RIN3: variants seen among roughly 807,000 people sequenced by gnomAD.
RIN3 encodes RAB5 interacting protein 3.
A neutral mutation model predicts 76.3 loss-of-function variants in RIN3; 54 were observed. The observed-to-expected ratio is 0.71, with a 90% CI of 0.57 to 0.89. The LOEUF (loss-of-function observed/expected upper bound fraction) is 0.89. Ranked by LOEUF, RIN3 falls within the 40% of genes least tolerant of loss-of-function variation. RIN3 has a pLI of 0.00. For synonymous variants in RIN3, 576 were observed against 564.0 expected (o/e 1.02, Z -0.30); for missense variants, 1,256 against 1,322.1 (o/e 0.95, Z 0.78).
chr14:92,514,829 G>C lies in RIN3; in HGVS notation c.44+853G>C, dbSNP rs1210692428. Reference sequence around the variant, plus strand: ...GAGAAGCTTCAGGTGTTGTAGAGACGCCCGGTCGGAGGCGGATTCCCGGGG... The same window carrying C: ...GAGAAGCTTCAGGTGTTGTAGAGACCCCCGGTCGGAGGCGGATTCCCGGGG... On this transcript the variant is annotated intron_variant, in intron 1 of 9. Coordinates refer to ENST00000216487, the MANE Select transcript of RIN3 (RefSeq NM_024832.5). This position sits in a 1 kb window ranked among gnomAD's most constrained non-coding sequence, Gnocchi z 7.2. 6.6e-6 allele frequency among the ~76,000 whole-genome samples: 1 copy of C among 152,236 alleles called. No homozygotes were observed. The highest frequency in any genetic ancestry group is 2.4e-5 in the African/African-American group (1 of 41,456).
At chr14:92,563,100 C>G (rs1897819529) in intron 2 of RIN3, among the ~76,000 whole-genome samples, 1 of 152,156 alleles carries the variant, frequency 6.6e-6, no homozygotes, top group Non-Finnish European at 1.5e-5. Flanking sequence ...TGACTCCTGC[C>G]TGGAATCCCA....
chr14:92,665,627 C>CGCCTCG (rs1888066079), intron 7 of RIN3, among the ~76,000 whole-genome samples: 1 of 151,978 alleles, frequency 6.6e-6, no homozygotes, highest in Non-Finnish European at 1.5e-5. Context: ...ATGATCCACC[C>CGCCTCG]ACCTCGGCCT....
intron 3 of RIN3, among the ~76,000 whole-genome samples, chr14:92,587,475 A>G (rs1312462445): frequency 6.6e-6 from 1 of 152,242 alleles, no homozygotes; most frequent in Non-Finnish European, 1.5e-5. Flanking sequence ...AGAGAACTGG[A>G]CACAGGAAGA....
chr14:92,683,059 C>T lies in RIN3; in HGVS notation c.2468-1928C>T, dbSNP rs34521027. On this transcript the variant is annotated intron_variant, in intron 8 of 9. Transcript: ENST00000216487. ...GTGCGTGCCTATAATCCCAGCTACT[C>T]AGGAGGCTGAGGCAGGAGAATAGCT... 7.4e-3 allele frequency among the ~76,000 whole-genome samples: 1,133 copies of T among 152,148 alleles called. 18 individuals carry two copies. Among genetic ancestry groups the T allele is most frequent in the African/African-American group, 0.026 (1,083 of 41,490 alleles).
intron 3 of RIN3, among the ~76,000 whole-genome samples, chr14:92,611,967 G>A (rs1474667931): frequency 6.6e-6 from 1 of 152,176 alleles, no homozygotes; most frequent in African/African-American, 2.4e-5. Context: ...CGTGGTGGGA[G>A]CAGAGCAAGG....
At chr14:92,575,817 C>A (rs563165530) in intron 2 of RIN3, among the ~76,000 whole-genome samples, 1 of 152,254 alleles carries the variant, frequency 6.6e-6, no homozygotes, top group East Asian at 1.9e-4. Context: ...CTTGTGCCCA[C>A]CTCCTATCTT....
chr14:92,568,140 C>T lies in RIN3; in HGVS notation c.250-9220C>T, dbSNP rs933712022. Reference sequence around the variant, plus strand: ...CTCTAAATAGCTGGCTGCAGGGGGGCAGAAAGGGAGAAGTAAGGTGGGCTT... The same window carrying T: ...CTCTAAATAGCTGGCTGCAGGGGGGTAGAAAGGGAGAAGTAAGGTGGGCTT... On this transcript the variant is annotated intron_variant, in intron 2 of 9. Transcript: ENST00000216487. The surrounding 1 kb of genome is among the most constrained non-coding windows in gnomAD (Gnocchi z 4.2). Among the ~76,000 whole-genome samples, 2 of 151,942 alleles carry T rather than the reference C, an allele frequency of 1.3e-5. No individual in the cohort carries two copies. Among genetic ancestry groups the T allele is most frequent in the African/African-American group, 4.8e-5 (2 of 41,360 alleles).
At chr14:92,557,982 A>T (rs897053395) in intron 2 of RIN3, among the ~76,000 whole-genome samples, 4 of 152,204 alleles carry the variant, frequency 2.6e-5, no homozygotes, top group African/African-American at 7.2e-5. Context: ...GTCCCAGGAG[A>T]AGGTGCTGGC....
intron 1 of RIN3, among the ~76,000 whole-genome samples, chr14:92,528,704 G>A (rs1249289622): frequency 6.6e-6 from 1 of 152,216 alleles, no homozygotes; most frequent in African/African-American, 2.4e-5. Flanking sequence ...TGGAGATACA[G>A]GGCTGCACTG....
chr14:92,595,492 A>C (rs1885121143), intron 3 of RIN3, among the ~76,000 whole-genome samples: 5 of 152,144 alleles, frequency 3.3e-5, no homozygotes, highest in Admixed American at 3.3e-4. Context: ...CAAAAGAGAA[A>C]GTTGATTATT....
rs146345114 is a variant in RIN3, at chr14:92,665,270, C to T, written c.2335+5801C>T. Among the ~76,000 whole-genome samples the T allele has an allele frequency of 4.7e-3, 707 of 151,688 alleles. 8 individuals are homozygous for T. Among genetic ancestry groups the T allele is most frequent in the African/African-American group, 0.015 (615 of 41,334 alleles). On this transcript the variant is annotated intron_variant, in intron 7 of 9. Transcript: ENST00000216487. ...AATGTAGAAAAGGTGCAGTAAAAGT[C>T]TGGCATTATGATCTCATGGAACCAC...
intron 1 of RIN3, among the ~76,000 whole-genome samples, chr14:92,529,865 G>A (rs549333542): frequency 1.2e-4 from 19 of 152,312 alleles, no homozygotes; most frequent in African/African-American, 3.8e-4. Context: ...TCAGGCATGA[G>A]TTAGTTCTGT....
chr14:92,635,844 G>C (rs1190082197), intron 4 of RIN3, among the ~76,000 whole-genome samples: 1 of 151,938 alleles, frequency 6.6e-6, no homozygotes, highest in Non-Finnish European at 1.5e-5. Context: ...TAGAGGGCGA[G>C]TCTGTCTCAA....
rs1896364080 is a variant in RIN3 at position 92,513,954 on chromosome 14, C to T, written c.22C>T (p.Pro8Ser). ...CGGCATGATCCGACACGCCGGGGCG[C>T]CCGCGCGCGGGGACCCCACGGGGTA... The part of the protein sequence containing the change: MIRHAGA[P>S]ARGDPTGPVP... Residue 8 changes from proline (P) to serine (S), a missense_variant, in exon 1 of 10, where the codon CCC (proline) becomes TCC (serine). Physicochemically the swap from Pro to Ser is moderately conservative, Grantham distance 74 (BLOSUM62 -1). Coordinates refer to ENST00000216487, the MANE Select transcript of RIN3 (RefSeq NM_024832.5). 3 of 1,245,358 alleles carry T rather than the reference C, an allele frequency of 2.4e-6. No homozygotes were observed. In the South Asian group the frequency reaches 1.0e-4, roughly 41 times the overall value. 77.1% of individuals were successfully genotyped at this position (1,245,358 alleles called of 1,614,324 possible).
At position 92,643,873 on chromosome 14, in the gene RIN3, A is replaced by G. The variant is rs903701359; in HGVS notation, c.532+2544A>G. ...AACCTGGGAGGCGGAGATTGCAGTG[A>G]GCTGAGATTGCCCCACTGCACTCCA... On this transcript the variant is annotated intron_variant, in intron 5 of 9. Transcript: ENST00000216487. The surrounding 1 kb of genome is among the most constrained non-coding windows in gnomAD (Gnocchi z 4.8). Among the ~76,000 whole-genome samples, 3 of 152,178 alleles carry G rather than the reference A, an allele frequency of 2.0e-5. No homozygotes were observed. Among genetic ancestry groups the G allele is most frequent in the Non-Finnish European group, 4.4e-5 (3 of 68,000 alleles).
At chr14:92,520,629 C>T (rs1411686873) in intron 1 of RIN3, among the ~76,000 whole-genome samples, 1 of 152,176 alleles carries the variant, frequency 6.6e-6, no homozygotes, top group Admixed American at 6.5e-5. Context: ...CAGAGGGCAC[C>T]CCAACAGTAG....
In RIN3 at chr14:92,651,618, G is replaced by A. The variant is rs1256769622; in HGVS notation, c.569G>A (p.Arg190Lys). 7 of 1,608,852 alleles carry A rather than the reference G, an allele frequency of 4.4e-6. No individual in the cohort carries two copies. Among genetic ancestry groups the A allele is most frequent in the Non-Finnish European group, 5.9e-6 (7 of 1,177,396 alleles). Residue 190 changes from arginine to lysine, a missense_variant, in exon 6 of 10, where the codon AGA becomes AAA. By Grantham distance (26) the Arg-to-Lys change is conservative. Transcript: ENST00000216487. ...TCCTCGCTGAATCCTCCACAAGAAAGAGGGAAGCCAGCAGAGCCCCCAAGA... is the reference window on the plus strand; with the variant it reads ...TCCTCGCTGAATCCTCCACAAGAAAAAGGGAAGCCAGCAGAGCCCCCAAGA... ...WDSSLNPPQERGKPAEPPRDR... is the reference protein window; with the variant it reads ...WDSSLNPPQEKGKPAEPPRDR...
At chr14:92,668,233 G>A (rs531051270) in intron 7 of RIN3, among the ~76,000 whole-genome samples, 3 of 152,178 alleles carry the variant, frequency 2.0e-5, no homozygotes, top group Admixed American at 1.3e-4. Flanking sequence ...ACTTGAACCC[G>A]GGTCCTTTGC....
chr14:92,630,200 G>T (rs1034683792), intron 4 of RIN3, among the ~76,000 whole-genome samples: 5 of 152,154 alleles, frequency 3.3e-5, no homozygotes, highest in Admixed American at 6.6e-5. Context: ...CATGTAAAGA[G>T]ACAGCACCGA....
Sources: gnomAD v4.1 joint callset for allele counts (sites outside exome capture counted in the v4.1 genomes callset) on GRCh38, gnomAD v4.1.1 for gene constraint, Gnocchi (gnomAD v3.1) non-coding constraint, MANE v1.5 for transcripts, NCBI Gene and HGNC (gene_info 2026-07-23, HGNC 2026-07-21) for gene names.